CTNNAL1: variants seen among roughly 807,000 people sequenced by gnomAD.
CTNNAL1 encodes alpha-catulin.
A neutral mutation model predicts 93.6 loss-of-function variants in CTNNAL1; 69 were observed. The ratio of observed to expected loss-of-function variants is 0.74; its 90% CI spans 0.61 to 0.90. The LOEUF (loss-of-function observed/expected upper bound fraction) is 0.90. CTNNAL1 is among the 40% of genes least tolerant of loss of function. The probability of loss-of-function intolerance (pLI) is 0.00; values close to 1 mark genes in which losing one functional copy is unlikely to be tolerated. For synonymous variants in CTNNAL1, 286 were observed against 305.4 expected, an observed-to-expected ratio of 0.94 and a Z score of 0.66; for missense variants, 836 against 862.0, an observed-to-expected ratio of 0.97 and a Z score of 0.38.
intron 11 of CTNNAL1, among the ~76,000 whole-genome samples, chr9:108,960,304 T>C (rs530238451): frequency 6.6e-6 from 1 of 152,296 alleles, no homozygotes; most frequent in South Asian, 2.1e-4. Flanking sequence ...AAATTCTTCT[T>C]AGTCCCCTTA....
chr9:109,013,446 C>T lies in CTNNAL1; in HGVS notation c.-4G>A, dbSNP rs1023290588. ...CGGGTCCGGGAGAGGCGGCCATGGC[C>T]CTCGGTCTATCCCGCAGCCGGGACT... On this transcript the variant is annotated 5_prime_UTR_variant, in exon 1 of 19. Transcript: ENST00000325551. The T allele has an allele frequency of 8.9e-6, 13 of 1,454,238 alleles. No homozygotes were observed. In the Admixed American group the frequency reaches 3.3e-4, roughly 37 times the overall value. 90.1% of individuals were successfully genotyped at this position (1,454,238 alleles called of 1,614,324 possible). A position where few individuals can be genotyped will look rare whatever the true frequency, so the allele number is the denominator to read the frequency against.
chr9:108,990,920 G>A (rs527375929), intron 3 of CTNNAL1, 75 bp from the exon 4 acceptor site: 1 of 1,492,842 alleles, frequency 6.7e-7, no homozygotes, highest in South Asian at 1.4e-5. Flanking sequence ...TGAGTAGAGA[G>A]AAGAAAAGGA....
chr9:108,984,733 C>T (rs1042919005), intron 4 of CTNNAL1, among the ~76,000 whole-genome samples: 6 of 152,150 alleles, frequency 3.9e-5, no homozygotes, highest in Non-Finnish European at 8.8e-5. Flanking sequence ...GACATTCTCA[C>T]GTCAAATGCA....
intron 11 of CTNNAL1, among the ~76,000 whole-genome samples, chr9:108,956,899 A>T (rs1830700874): frequency 6.6e-6 from 1 of 152,030 alleles, no homozygotes; most frequent in Non-Finnish European, 1.5e-5. Flanking sequence ...CTGTACTGAG[A>T]TGTGTAAGTG....
At chr9:108,998,153 C>T (rs1832089966) in intron 2 of CTNNAL1, among the ~76,000 whole-genome samples, 1 of 152,132 alleles carries the variant, frequency 6.6e-6, no homozygotes, top group South Asian at 2.1e-4. Context: ...CCATTTTTAC[C>T]CCTCACGGGA....
At position 108,999,118 on chromosome 9, in the gene CTNNAL1, A is replaced by C. The variant is rs1346935350; in HGVS notation, c.280T>G (p.Trp94Gly). The C allele has an allele frequency of 1.2e-6, 2 of 1,612,556 alleles. No homozygotes were observed. The highest frequency in any genetic ancestry group is 4.5e-5 in the East Asian group (2 of 44,838). Residue 94 changes from tryptophan (W) to glycine (G), a missense_variant, in exon 2 of 19, where the codon TGG (tryptophan) becomes GGG (glycine). Transcript: ENST00000325551. ...KVGEAIANEN[W>G]DLKEEINIAC... ...ATATTTATTTCTTCTTTCAAATCCC[A>C]GTTTTCATTGGCTATAGCTTCTCCT...
chr9:108,962,727 C>A (rs1298142526), intron 11 of CTNNAL1, among the ~76,000 whole-genome samples: 1 of 152,086 alleles, frequency 6.6e-6, no homozygotes, highest in Admixed American at 6.5e-5. Context: ...TTTAGTTTTA[C>A]CACAAGGTAA....
chr9:108,975,330 CA>C (rs1302108685), intron 8 of CTNNAL1, among the ~76,000 whole-genome samples: 2 of 125,448 alleles, frequency 1.6e-5, no homozygotes, highest in Non-Finnish European at 3.3e-5. Flanking sequence ...GGTTGAGGGG[CA>C]GGGGTGGGGG....
rs1055615393 is a variant in CTNNAL1, at chr9:109,013,401, T to C, written c.42A>G (p.Gly14=). 2.4e-5 allele frequency: 36 copies of C among 1,492,362 alleles called. No homozygotes were observed. The highest frequency in any genetic ancestry group is 3.1e-5 in the Non-Finnish European group (35 of 1,120,220). 92.4% of individuals were successfully genotyped at this position (1,492,362 alleles called of 1,614,324 possible). ...SPGPAGVGGA[G]AVYGSGSSGF... is the part of the protein sequence containing the mutation. ...CCGAAGAGCCGGAGCCGTAGACTGC[T>C]CCGGCGCCGCCAACGCCGGCGGGTC... Residue 14 remains glycine, a synonymous_variant, in exon 1 of 19, where the codon GGA becomes GGG. Coordinates refer to ENST00000325551, the MANE Select transcript of CTNNAL1 (RefSeq NM_003798.4).
intron 1 of CTNNAL1, 42 bp from the exon 2 acceptor site, chr9:108,999,298 T>C: frequency 6.5e-7 from 1 of 1,549,526 alleles, no homozygotes. Flanking sequence ...TCAATACCTT[T>C]TCTTTTTTAA....
chr9:108,988,516 G>C (rs1017071696), intron 4 of CTNNAL1, among the ~76,000 whole-genome samples: 1 of 152,172 alleles, frequency 6.6e-6, no homozygotes, highest in African/African-American at 2.4e-5. Flanking sequence ...ATGGCAGCTA[G>C]AGTGATACTG....
chr9:108,964,043 C>T (rs1459911563), intron 11 of CTNNAL1, among the ~76,000 whole-genome samples: 1 of 152,096 alleles, frequency 6.6e-6, no homozygotes, highest in Non-Finnish European at 1.5e-5. Flanking sequence ...CCCAACAGTC[C>T]CTAAGGCTAA....
At chr9:108,975,148 G>A (rs1831230329) in intron 8 of CTNNAL1, among the ~76,000 whole-genome samples, 1 of 152,134 alleles carries the variant, frequency 6.6e-6, no homozygotes, top group African/African-American at 2.4e-5. Flanking sequence ...GGGCAACAGA[G>A]TGAGACTCTA....
At position 108,963,024 on chromosome 9, in the gene CTNNAL1, G is replaced by C. The variant is rs545304742; in HGVS notation, c.1591+2354C>G. On this transcript the variant is annotated intron_variant, in intron 11 of 18. Coordinates refer to ENST00000325551, the MANE Select transcript of CTNNAL1 (RefSeq NM_003798.4). ...TCTCAGAGGAAGGAAGAGACCCCTTGATGGAAAATGCAACTTGGGTTTGTT... is the reference window on the plus strand; with the variant it reads ...TCTCAGAGGAAGGAAGAGACCCCTTCATGGAAAATGCAACTTGGGTTTGTT... Among the ~76,000 whole-genome samples, 3 of 152,210 alleles carry C rather than the reference G, an allele frequency of 2.0e-5. 1 individual carries two copies. Among genetic ancestry groups the C allele is most frequent in the African/African-American group, 7.2e-5 (3 of 41,530 alleles).
intron 2 of CTNNAL1, among the ~76,000 whole-genome samples, chr9:108,996,817 G>A (rs1832039143): frequency 6.6e-6 from 1 of 151,700 alleles, no homozygotes; most frequent in African/African-American, 2.4e-5. Flanking sequence ...TGTAATGTCT[G>A]TTTCATAAGC....
intron 1 of CTNNAL1, among the ~76,000 whole-genome samples, chr9:109,004,365 T>G (rs1293818473): frequency 6.6e-6 from 1 of 152,226 alleles, no homozygotes; most frequent in Non-Finnish European, 1.5e-5. Context: ...TAATCATCCC[T>G]ATTTTACAAA....
At position 108,996,643 on chromosome 9, in the gene CTNNAL1, G is replaced by A. The variant is rs138789088; in HGVS notation, c.331+2424C>T. On this transcript the variant is annotated intron_variant, in intron 2 of 18. Coordinates refer to ENST00000325551, the MANE Select transcript of CTNNAL1 (RefSeq NM_003798.4). ...AAGCCAACAAGGAGCACAGGACTCA[G>A]GTTGTCCTTTTGTTTAAAAATACTG... Among the ~76,000 whole-genome samples, 851 of 152,234 alleles carry A rather than the reference G, an allele frequency of 5.6e-3. 14 individuals are homozygous for A. The highest frequency in any genetic ancestry group is 0.02 in the African/African-American group (812 of 41,530).
intron 12 of CTNNAL1, 149 bp from the exon 13 acceptor site, chr9:108,952,643 G>T: frequency 9.8e-7 from 1 of 1,018,614 alleles, no homozygotes; most frequent in Non-Finnish European, 1.4e-6. Context: ...CCAATTGCAA[G>T]TACTCTACTA....
At chr9:108,945,648 G>T (rs57784742) in intron 15 of CTNNAL1, among the ~76,000 whole-genome samples, 16,695 of 141,794 alleles carry the variant, frequency 0.12, 1,089 homozygotes, top group African/African-American at 0.19. Flanking sequence ...TTTTTGTTTT[G>T]TTTTTTTGTA....
Sources: gnomAD v4.1 joint callset for allele counts (sites outside exome capture counted in the v4.1 genomes callset) on GRCh38, gnomAD v4.1.1 for gene constraint, MANE v1.5 for transcripts, NCBI Gene and HGNC (gene_info 2026-07-23, HGNC 2026-07-21) for gene names.